C12orf76: variants seen among roughly 807,000 people sequenced by gnomAD.
C12orf76 encodes the protein uncharacterized protein C12orf76.
C12orf76 carries 6 observed loss-of-function variants against 6.8 expected under a neutral mutation model. The observed-to-expected ratio is 0.88, with a 90% CI of 0.48 to 1.73. C12orf76 has a LOEUF of 1.73. C12orf76 is among the 40% of genes most tolerant of loss of function. The pLI is 0.01. For synonymous variants in C12orf76, 56 were observed against 43.7 expected, an observed-to-expected ratio of 1.28 and a Z score of -1.11; for missense variants, 99 against 98.2, an observed-to-expected ratio of 1.01 and a Z score of -0.03.
chr12:110,057,733 A>C (rs544861243), intron 3 of C12orf76, among the ~76,000 whole-genome samples: 1 of 152,244 alleles, frequency 6.6e-6, no homozygotes, highest in East Asian at 1.9e-4. Context: ...AGTCAGTCTA[A>C]CAGGGTAAAA....
intron 1 of C12orf76, chr12:110,045,932 T>C (rs775437951): frequency 5.1e-5 from 11 of 215,364 alleles, no homozygotes; most frequent in Admixed American, 2.9e-4. Flanking sequence ...GCACTCCAGA[T>C]TGGGCAACAG....
At position 110,042,201 on chromosome 12, in the gene C12orf76, AG is replaced by A. The variant is rs767315528; in HGVS notation, c.*172del. On this transcript the variant is annotated 3_prime_UTR_variant, in exon 2 of 2. Transcript: ENST00000615315. ...GGCCAATTATTTGCGCTACAGTGTTAGGAAAAAATAATGTCTAGTACATGTT... is the reference window on the plus strand; with the variant it reads ...GGCCAATTATTTGCGCTACAGTGTTAGAAAAAATAATGTCTAGTACATGTT... 1.7e-6 allele frequency: 1 copy of A among 604,066 alleles called. No individual in the cohort carries two copies. The allele number at this position is 604,066 out of a possible 1,614,324, so 37.4% of individuals were successfully genotyped here.
upstream of C12orf76, chr12:110,049,263 C>G (rs939824004): frequency 2.0e-5 from 3 of 152,280 alleles, no homozygotes; most frequent in African/African-American, 7.2e-5. Flanking sequence ...GCGCCAGGCC[C>G]GAAACCAGGC....
chr12:110,042,216 C>T lies in C12orf76; in HGVS notation c.*158G>A. On this transcript the variant is annotated 3_prime_UTR_variant, in exon 2 of 2. Transcript: ENST00000615315. Reference sequence around the variant, plus strand: ...CTACAGTGTTAGGAAAAAATAATGTCTAGTACATGTTTTCTTCTAATTCAT... The same window carrying T: ...CTACAGTGTTAGGAAAAAATAATGTTTAGTACATGTTTTCTTCTAATTCAT... 1 of 627,478 alleles carries T rather than the reference C, an allele frequency of 1.6e-6. No homozygotes were observed. The highest frequency in any genetic ancestry group is 1.8e-5 in the African/African-American group (1 of 54,856). 38.9% of individuals were successfully genotyped at this position (627,478 alleles called of 1,614,324 possible). A position where few individuals can be genotyped will look rare whatever the true frequency, so the allele number is the denominator to read the frequency against.
chr12:110,051,123 A>G (rs1363002728), upstream of C12orf76: 1 of 780,734 alleles, frequency 1.3e-6, no homozygotes, highest in Admixed American at 1.7e-5. Context: ...AACTGATGAC[A>G]GGCTCTTTCC....
At chr12:110,050,757 A>G (rs1430433725), upstream of C12orf76, 4 of 560,790 alleles carry the variant, frequency 7.1e-6, no homozygotes, top group African/African-American at 5.6e-5. Context: ...TACTCTGTCT[A>G]TGGAGTAGCC....
intron 2 of C12orf76, among the ~76,000 whole-genome samples, chr12:110,060,095 AC>A (rs1222298551): frequency 6.6e-6 from 1 of 152,142 alleles, no homozygotes; most frequent in African/African-American, 2.4e-5. Context: ...GCATGGTGGC[AC>A]ATGCCTGTAT....
chr12:110,050,982 C>T (rs1300612508), upstream of C12orf76: 2 of 756,574 alleles, frequency 2.6e-6, no homozygotes, highest in Non-Finnish European at 4.9e-6. Flanking sequence ...TCCGTTAACA[C>T]TACCAGGTGT....
Position 110,041,705 on chromosome 12 carries a change from C to G in C12orf76, c.*669G>C, listed in dbSNP as rs1353403090. Reference sequence around the variant, plus strand: ...CAATGTGTTTAAGCAGGATGGGGTCCTTTTTGTAACAGGCCAACCTAGTAA... The same window carrying G: ...CAATGTGTTTAAGCAGGATGGGGTCGTTTTTGTAACAGGCCAACCTAGTAA... On this transcript the variant is annotated 3_prime_UTR_variant, in exon 2 of 2. Transcript: ENST00000615315. 1 of 152,672 alleles carries G rather than the reference C, an allele frequency of 6.5e-6. No individual in the cohort carries two copies. Among genetic ancestry groups the G allele is most frequent in the Non-Finnish European group, 1.5e-5 (1 of 68,426 alleles). 9.5% of individuals were successfully genotyped at this position (152,672 alleles called of 1,614,324 possible).
upstream of C12orf76, among the ~76,000 whole-genome samples, chr12:110,068,330 A>AGGC (rs143134826): frequency 2.6e-5 from 3 of 116,662 alleles, no homozygotes; most frequent in Non-Finnish European, 3.9e-5. Flanking sequence ...AAGAAGAAGA[A>AGGC]GGCGGCCAAA....
chr12:110,052,012 C>T (rs993862510), upstream of C12orf76, among the ~76,000 whole-genome samples: 12 of 149,942 alleles, frequency 8.0e-5, no homozygotes, highest in African/African-American at 3.0e-4. Flanking sequence ...CCTGCCTCAG[C>T]CTCCCAAGTA....
chr12:110,061,335 AC>A (rs1245268532), intron 2 of C12orf76, among the ~76,000 whole-genome samples: 1 of 151,464 alleles, frequency 6.6e-6, no homozygotes, highest in Non-Finnish European at 1.5e-5. Context: ...TTTCCCCCTC[AC>A]CCATTCAGTT....
rs1278490047 is a variant in C12orf76 at position 110,042,319 on chromosome 12, T to C, written c.*55A>G. 6.9e-7 allele frequency: 1 copy of C among 1,449,454 alleles called. No individual in the cohort carries two copies. Among genetic ancestry groups the C allele is most frequent in the Non-Finnish European group, 9.7e-7 (1 of 1,031,540 alleles). The allele number at this position is 1,449,454 out of a possible 1,614,324, so 89.8% of individuals were successfully genotyped here. On this transcript the variant is annotated 3_prime_UTR_variant, in exon 2 of 2. Transcript: ENST00000615315. Reference sequence around the variant, plus strand: ...TGGTTCCAACTTCTCCACTGGCCTGTGTGCAACACAACTTATCCTATTCCC... The same window carrying C: ...TGGTTCCAACTTCTCCACTGGCCTGCGTGCAACACAACTTATCCTATTCCC...
upstream of C12orf76, among the ~76,000 whole-genome samples, chr12:110,069,452 C>A (rs1222000327): frequency 6.6e-6 from 1 of 152,106 alleles, no homozygotes; most frequent in African/African-American, 2.4e-5. Context: ...AACAAACAAA[C>A]AAACAAAAAA....
At chr12:110,043,449 C>A (rs1275999446) in intron 1 of C12orf76, among the ~76,000 whole-genome samples, 1 of 151,966 alleles carries the variant, frequency 6.6e-6, no homozygotes, top group Non-Finnish European at 1.5e-5. Context: ...GCAGGATGCC[C>A]AACTATGCCT....
At chr12:110,044,602 A>ATCTGTGTAT in intron 1 of C12orf76, 1 of 154,078 alleles carries the variant, frequency 6.5e-6, no homozygotes, top group African/African-American at 2.4e-5. Flanking sequence ...TAAATCAGTA[A>ATCTGTGTAT]CTTTGTAGTA....
At chr12:110,049,012 AT>A (rs1892527094), upstream of C12orf76, 1 of 152,092 alleles carries the variant, frequency 6.6e-6, no homozygotes, top group Admixed American at 6.6e-5. Context: ...CATTCCCCCC[AT>A]TCACTTTAGA....
At chr12:110,055,899 G>A (rs1331637620) in intron 4 of C12orf76, among the ~76,000 whole-genome samples, 2 of 152,066 alleles carry the variant, frequency 1.3e-5, no homozygotes, top group Admixed American at 6.6e-5. Context: ...GATCTTAGGA[G>A]CAGTTTAGGG....
intron 2 of C12orf76, among the ~76,000 whole-genome samples, chr12:110,062,788 A>ATT (rs71079597): frequency 0.037 from 2,318 of 63,386 alleles, 251 homozygotes; most frequent in African/African-American, 0.13. Context: ...CCCAGCTAAT[A>ATT]TTTTTTTTTT....
Sources: gnomAD v4.1 joint callset for allele counts (sites outside exome capture counted in the v4.1 genomes callset) on GRCh38, gnomAD v4.1.1 for gene constraint, MANE v1.5 for transcripts, NCBI Gene and HGNC (gene_info 2026-07-23, HGNC 2026-07-21) for gene names.